Variants in IMMP2L observed in about 807,000 individuals in gnomAD.
IMMP2L encodes inner mitochondrial membrane peptidase subunit 2.
In IMMP2L, 18 loss-of-function variants were observed where a neutral mutation model predicts 19.3. The ratio of observed to expected loss-of-function variants is 0.93; its 90% CI spans 0.64 to 1.38. IMMP2L has a LOEUF of 1.38. Among genes scored for constraint, IMMP2L ranks in the 40% most tolerant of loss-of-function variants. The probability of loss-of-function intolerance (pLI) is 0.00; values close to 1 mark genes in which losing one functional copy is unlikely to be tolerated. For missense variants in IMMP2L, 233 were observed against 218.2 expected (o/e 1.07, Z -0.43); for synonymous variants, 76 against 73.0 (o/e 1.04, Z -0.21).
intron 3 of IMMP2L, among the ~76,000 whole-genome samples, chr7:111,370,263 G>C (rs1830146785): frequency 6.6e-6 from 1 of 151,914 alleles, no homozygotes; most frequent in African/African-American, 2.4e-5. Context: ...GAGAGAGTCA[G>C]TGAGTCATTC....
intron 5 of IMMP2L, among the ~76,000 whole-genome samples, chr7:110,706,873 G>C (rs372632957): frequency 1.5e-4 from 23 of 151,186 alleles, no homozygotes; most frequent in African/African-American, 4.9e-4. Flanking sequence ...GTCAATTTTT[G>C]TTTTTGCTGT....
intron 5 of IMMP2L, among the ~76,000 whole-genome samples, chr7:110,823,277 A>G (rs76789620): frequency 0.028 from 4,274 of 152,128 alleles, 99 homozygotes; most frequent in East Asian, 0.086. Flanking sequence ...AGGTACACCT[A>G]TTTTCACACA....
At chr7:111,107,169 C>T (rs368963379) in intron 3 of IMMP2L, among the ~76,000 whole-genome samples, 5 of 26,768 alleles carry the variant, frequency 1.9e-4, no homozygotes, top group African/African-American at 6.0e-4. Flanking sequence ...TCCTTCTTTC[C>T]CCTTTCCCTC....
At position 111,410,027 on chromosome 7, in the gene IMMP2L, T is replaced by C. The variant is rs571421746; in HGVS notation, c.239+77211A>G. ...GGATGGCTGGAATTTGTGGGACATA[T>C]TAAAGATAAAAAGAACGCTATGCAG... On this transcript the variant is annotated intron_variant, in intron 3 of 5. Coordinates refer to ENST00000405709, the MANE Select transcript of IMMP2L (RefSeq NM_032549.4). 3.5e-4 allele frequency among the ~76,000 whole-genome samples: 53 copies of C among 151,858 alleles called. 1 individual carries two copies. The South Asian group carries it at 0.01, about 30-fold the overall frequency.
chr7:110,849,552 G>A (rs1021608461), intron 5 of IMMP2L, among the ~76,000 whole-genome samples: 8 of 151,944 alleles, frequency 5.3e-5, no homozygotes, highest in East Asian at 3.8e-4. Flanking sequence ...ATGAACATAC[G>A]ATAAAATGTT....
At chr7:111,552,152 T>A (rs548195000) in intron 1 of IMMP2L, among the ~76,000 whole-genome samples, 12 of 152,274 alleles carry the variant, frequency 7.9e-5, no homozygotes, top group Admixed American at 7.2e-4. Context: ...AATTCTTGAA[T>A]ATAAAGTAAG....
intron 3 of IMMP2L, among the ~76,000 whole-genome samples, chr7:111,223,825 GCC>G (rs1483953097): frequency 6.6e-6 from 1 of 152,046 alleles, no homozygotes; most frequent in African/African-American, 2.4e-5. Flanking sequence ...GCAGTATCAG[GCC>G]TTCGCTGAGA....
chr7:111,000,846 TAA>T (rs34284744), intron 3 of IMMP2L, among the ~76,000 whole-genome samples: 80 of 143,966 alleles, frequency 5.6e-4, no homozygotes, highest in Admixed American at 1.0e-3. Context: ...TCCTCTGTCT[TAA>T]AAAAAAAAAA....
chr7:110,750,025 T>C (rs1354274746), intron 5 of IMMP2L, among the ~76,000 whole-genome samples: 1 of 152,078 alleles, frequency 6.6e-6, no homozygotes, highest in African/African-American at 2.4e-5. Context: ...TCTAACAGCA[T>C]AAATATGTCA....
At chr7:111,435,607 A>T (rs765338328) in intron 3 of IMMP2L, among the ~76,000 whole-genome samples, 1 of 151,626 alleles carries the variant, frequency 6.6e-6, no homozygotes, top group African/African-American at 2.4e-5. Context: ...GGGCACACTA[A>T]ATGCCAAGAC....
chr7:111,141,846 G>A (rs1346767661), intron 3 of IMMP2L, among the ~76,000 whole-genome samples: 3 of 152,128 alleles, frequency 2.0e-5, no homozygotes, highest in African/African-American at 7.2e-5. Context: ...GGCTACAGGT[G>A]TGCACCACCA....
intron 3 of IMMP2L, among the ~76,000 whole-genome samples, chr7:111,481,369 G>A (rs1842171843): frequency 6.6e-6 from 1 of 152,076 alleles, no homozygotes; most frequent in Non-Finnish European, 1.5e-5. Flanking sequence ...ACACAGCTTT[G>A]ATGTGAGGCA....
chr7:111,469,706 C>CCATTTTGTAA (rs1841034223), intron 3 of IMMP2L, among the ~76,000 whole-genome samples: 1 of 152,138 alleles, frequency 6.6e-6, no homozygotes, highest in Non-Finnish European at 1.5e-5. Context: ...TGCCTTACAT[C>CCATTTTGTAA]TTATACAAAA....
intron 3 of IMMP2L, among the ~76,000 whole-genome samples, chr7:111,179,210 T>A (rs557862938): frequency 7.2e-5 from 11 of 151,736 alleles, no homozygotes; most frequent in Admixed American, 2.0e-4. Flanking sequence ...AAAAAAAAAA[T>A]TTTATCTGAG....
intron 3 of IMMP2L, among the ~76,000 whole-genome samples, chr7:111,209,314 T>C (rs1435987806): frequency 6.6e-6 from 1 of 151,098 alleles, no homozygotes; most frequent in African/African-American, 2.4e-5. Flanking sequence ...GGAGAATCGC[T>C]TGAACCCAGG....
At chr7:111,553,073 C>A (rs1790858996) in intron 1 of IMMP2L, among the ~76,000 whole-genome samples, 2 of 152,108 alleles carry the variant, frequency 1.3e-5, no homozygotes, top group African/African-American at 4.8e-5. Flanking sequence ...CAAGCAAGGA[C>A]CCTCAAATTG....
intron 4 of IMMP2L, among the ~76,000 whole-genome samples, chr7:110,898,892 A>G (rs1184403208): frequency 6.6e-6 from 1 of 151,892 alleles, no homozygotes; most frequent in East Asian, 1.9e-4. Context: ...CTAGGTGGGA[A>G]GCTCAGGAAA....
At chr7:111,150,596 T>G (rs1244164424) in intron 3 of IMMP2L, among the ~76,000 whole-genome samples, 1 of 152,262 alleles carries the variant, frequency 6.6e-6, no homozygotes, top group East Asian at 1.9e-4. Context: ...AGAAGCAAGG[T>G]TGAAGTGTGT....
chr7:110,674,974 A>T (rs1170481125), intron 5 of IMMP2L, among the ~76,000 whole-genome samples: 5 of 152,186 alleles, frequency 3.3e-5, no homozygotes, highest in Non-Finnish European at 7.4e-5. Flanking sequence ...CAGCCAGTCC[A>T]ATTCATATCC....
Sources: gnomAD v4.1 joint callset for allele counts (sites outside exome capture counted in the v4.1 genomes callset) on GRCh38, gnomAD v4.1.1 for gene constraint, MANE v1.5 for transcripts, NCBI Gene and HGNC (gene_info 2026-07-23, HGNC 2026-07-21) for gene names.